The following SAMD3 variants were observed in gnomAD, a reference collection of about 807,000 sequenced individuals.
The protein encoded by SAMD3 is sterile alpha motif domain-containing protein 3.
In SAMD3, 63 loss-of-function variants were observed where a neutral mutation model predicts 58.5. The observed-to-expected ratio is 1.08, with a 90% CI of 0.88 to 1.33. SAMD3 has a LOEUF of 1.33. SAMD3 is among the 40% of genes most tolerant of loss of function. The probability of loss-of-function intolerance (pLI) is 0.00; values close to 1 mark genes in which losing one functional copy is unlikely to be tolerated. For synonymous variants in SAMD3, 220 were observed against 210.3 expected (o/e 1.05, Z -0.40); for missense variants, 604 against 608.4 (o/e 0.99, Z 0.08).
intron 2 of SAMD3, chr6:130,215,932 C>T (rs1795981932): frequency 9.0e-7 from 1 of 1,110,182 alleles, no homozygotes. Context: ...CAATACTATT[C>T]TTACATACCC....
chr6:130,344,244 T>C (rs6916087), intron 1 of SAMD3, among the ~76,000 whole-genome samples: 63,072 of 152,124 alleles, frequency 0.41, 14,383 homozygotes, highest in African/African-American at 0.61. Context: ...TCCCAGTGTT[T>C]TTCCTACATG....
intron 2 of SAMD3, among the ~76,000 whole-genome samples, chr6:130,289,875 A>T (rs992632356): frequency 6.6e-6 from 1 of 152,216 alleles, no homozygotes; most frequent in East Asian, 1.9e-4. Flanking sequence ...CCAGAAATAT[A>T]TAACATATTT....
chr6:130,209,448 G>T (rs1280635610), intron 5 of SAMD3, 47 bp downstream of exon 5: 1 of 983,674 alleles, frequency 1.0e-6, no homozygotes, highest in East Asian at 2.5e-5. Flanking sequence ...AAGAAATAGA[G>T]AAGAATGTTA....
chr6:130,282,417 A>T (rs940106485), intron 2 of SAMD3, among the ~76,000 whole-genome samples: 21 of 152,186 alleles, frequency 1.4e-4, no homozygotes, highest in Non-Finnish European at 2.2e-4. Context: ...GGAAGAATAG[A>T]GCCTCCCCTG....
intron 2 of SAMD3, among the ~76,000 whole-genome samples, chr6:130,301,328 A>C (rs1020530956): frequency 6.6e-6 from 1 of 152,180 alleles, no homozygotes; most frequent in African/African-American, 2.4e-5. Flanking sequence ...AATCCCATTT[A>C]CAATAGCCAA....
intron 5 of SAMD3, among the ~76,000 whole-genome samples, chr6:130,192,446 T>A (rs188021196): frequency 6.6e-6 from 1 of 152,324 alleles, no homozygotes; most frequent in Non-Finnish European, 1.5e-5. Flanking sequence ...CTGCTTTAAC[T>A]GATGACATTG....
chr6:130,328,978 GT>G (rs1355675064), intron 1 of SAMD3, among the ~76,000 whole-genome samples: 1 of 152,022 alleles, frequency 6.6e-6, no homozygotes, highest in African/African-American at 2.4e-5. Flanking sequence ...ATAAGAGATT[GT>G]CTTTAGATGG....
At chr6:130,175,797 A>G (rs1486825045) in intron 8 of SAMD3, 44 bp downstream of exon 8, 2 of 1,245,668 alleles carry the variant, frequency 1.6e-6, no homozygotes, top group East Asian at 4.7e-5. Flanking sequence ...TAATCAATAT[A>G]TCAATCTATC....
At chr6:130,303,292 T>A (rs2114977540) in intron 2 of SAMD3, among the ~76,000 whole-genome samples, 1 of 152,240 alleles carries the variant, frequency 6.6e-6, no homozygotes, top group Admixed American at 6.5e-5. Context: ...AAAAAATAGA[T>A]ACCCTCACAC....
intron 2 of SAMD3, among the ~76,000 whole-genome samples, chr6:130,251,903 A>G (rs1221950961): frequency 2.6e-5 from 4 of 152,024 alleles, no homozygotes; most frequent in Admixed American, 2.6e-4. Flanking sequence ...TGAGGGTTCT[A>G]CAGATGTGTT....
intron 8 of SAMD3, among the ~76,000 whole-genome samples, chr6:130,169,769 C>A (rs1247985110): frequency 6.6e-6 from 1 of 152,200 alleles, no homozygotes; most frequent in Non-Finnish European, 1.5e-5. Flanking sequence ...GATGTGTCAA[C>A]ACAAGAGGTG....
chr6:130,223,864 A>G (rs533388420), upstream of SAMD3, among the ~76,000 whole-genome samples: 19 of 152,270 alleles, frequency 1.2e-4, no homozygotes, highest in African/African-American at 4.6e-4. Flanking sequence ...CAGCTTAGCC[A>G]TCCGCAGGTG....
chr6:130,185,544 G>T (rs889505681), intron 5 of SAMD3, among the ~76,000 whole-genome samples: 2 of 151,484 alleles, frequency 1.3e-5, no homozygotes, highest in African/African-American at 4.9e-5. Context: ...GGCCAGGATG[G>T]TCTCAATCTC....
chr6:130,194,760 G>C (rs1793923941), intron 5 of SAMD3, among the ~76,000 whole-genome samples: 1 of 152,220 alleles, frequency 6.6e-6, no homozygotes, highest in Non-Finnish European at 1.5e-5. Flanking sequence ...TGGAACTCTG[G>C]CCCAAGGCTC....
intron 2 of SAMD3, among the ~76,000 whole-genome samples, chr6:130,291,058 T>C (rs1241217931): frequency 3.3e-5 from 5 of 151,974 alleles, no homozygotes; most frequent in African/African-American, 1.2e-4. Flanking sequence ...TCACAAAATA[T>C]GCATGCCATA....
chr6:130,178,492 A>G (rs987599334), intron 7 of SAMD3, among the ~76,000 whole-genome samples: 6 of 152,086 alleles, frequency 3.9e-5, no homozygotes, highest in Non-Finnish European at 5.9e-5. Flanking sequence ...TCTAAGCTCT[A>G]TTTCCTCATG....
intron 5 of SAMD3, among the ~76,000 whole-genome samples, chr6:130,196,789 A>C (rs958741196): frequency 5.5e-4 from 83 of 152,222 alleles, no homozygotes; most frequent in African/African-American, 1.9e-3. Context: ...TAACTAAAAT[A>C]CCTCTTAGTC....
At position 130,210,071 on chromosome 6, in the gene SAMD3, T is replaced by C. The variant is rs141137348; in HGVS notation, c.270-463A>G. ...GCTAGCTCCCTTATTTTCCAAGTAA[T>C]GCAACTGAAGCCTAGAAGGCAGAGC... On this transcript the variant is annotated intron_variant, in intron 4 of 11. Coordinates refer to ENST00000439090, the MANE Select transcript of SAMD3 (RefSeq NM_001017373.4). Among the ~76,000 whole-genome samples the C allele has an allele frequency of 2.4e-3, 367 of 152,288 alleles. 4 individuals are homozygous for C. The highest frequency in any genetic ancestry group is 8.4e-3 in the African/African-American group (350 of 41,562).
intron 2 of SAMD3, among the ~76,000 whole-genome samples, chr6:130,241,794 CATTTT>C (rs1278247964): frequency 6.6e-6 from 1 of 151,834 alleles, no homozygotes; most frequent in Non-Finnish European, 1.5e-5. Context: ...TCCTATTCTA[CATTTT>C]ATTTTCTTTT....
Sources: allele counts gnomAD v4.1 joint callset (sites outside exome capture counted in the v4.1 genomes callset), GRCh38; gene constraint gnomAD v4.1.1; transcripts MANE v1.5; gene names NCBI Gene and HGNC (gene_info 2026-07-23, HGNC 2026-07-21).